The following ASCC3 variants were observed in gnomAD, a reference collection of about 807,000 sequenced individuals.
ASCC3 encodes ASC-1 complex subunit P200.
In ASCC3, 158 loss-of-function variants were observed where a neutral mutation model predicts 256.3. That is an observed-to-expected ratio of 0.62 (90% CI 0.54 to 0.70). ASCC3 has a LOEUF of 0.70. Among genes scored for constraint, ASCC3 ranks in the 30% least tolerant of loss-of-function variants. ASCC3 has a pLI of 0.00. For synonymous variants in ASCC3, 948 were observed against 883.4 expected, an observed-to-expected ratio of 1.07 and a Z score of -1.30; for missense variants, 2,259 against 2,626.0, an observed-to-expected ratio of 0.86 and a Z score of 3.05.
At chr6:100,737,633 TG>T (rs1780243939) in intron 10 of ASCC3, among the ~76,000 whole-genome samples, 1 of 152,220 alleles carries the variant, frequency 6.6e-6, no homozygotes, top group African/African-American at 2.4e-5. Flanking sequence ...CTATCATTGA[TG>T]GGCATTTAGG....
intron 27 of ASCC3, among the ~76,000 whole-genome samples, chr6:100,628,476 C>T (rs1015939638): frequency 3.2e-4 from 48 of 152,104 alleles, no homozygotes; most frequent in African/African-American, 1.2e-3. Context: ...ATCATGGGGG[C>T]TGTTTCTCCT....
At chr6:100,608,451 A>T (rs1389936008) in intron 30 of ASCC3, among the ~76,000 whole-genome samples, 2 of 31,576 alleles carry the variant, frequency 6.3e-5, no homozygotes, top group Admixed American at 6.8e-4. Context: ...TATATATTTT[A>T]TATATATATA....
At chr6:100,672,775 A>C (rs1257465684) in intron 14 of ASCC3, among the ~76,000 whole-genome samples, 3 of 152,020 alleles carry the variant, frequency 2.0e-5, no homozygotes, top group Non-Finnish European at 2.9e-5. Flanking sequence ...TTTTTATTTA[A>C]AATGTACCTA....
intron 41 of ASCC3, among the ~76,000 whole-genome samples, 189 bp downstream of exon 41, chr6:100,509,743 C>T (rs1028018124): frequency 1.3e-5 from 2 of 152,068 alleles, no homozygotes; most frequent in Non-Finnish European, 2.9e-5. Flanking sequence ...AAAAAATTAG[C>T]CGGGCGCAGT....
intron 36 of ASCC3, among the ~76,000 whole-genome samples, chr6:100,571,684 C>G (rs1398300673): frequency 6.6e-6 from 1 of 152,296 alleles, no homozygotes; most frequent in African/African-American, 2.4e-5. Flanking sequence ...GGGTAAGTAC[C>G]ATTGTCCAAG....
intron 37 of ASCC3, chr6:100,530,252 G>T (rs1404853109): frequency 6.3e-6 from 6 of 950,232 alleles, no homozygotes; most frequent in Non-Finnish European, 1.7e-6. Context: ...ACAGGAGGAG[G>T]GGAGAGGCCT....
intron 36 of ASCC3, among the ~76,000 whole-genome samples, chr6:100,557,141 C>G (rs1026882951): frequency 1.3e-5 from 2 of 152,074 alleles, no homozygotes; most frequent in Non-Finnish European, 2.9e-5. Context: ...TTATTCTACT[C>G]TTTTTATATT....
rs1044372449 is a variant in ASCC3, at chr6:100,509,278, G to C, written c.*108C>G. ...ACTGTCAATTTCCTGGATGGTTGAG[G>C]TTAGAAGTTGATTCTTTCAAGGCAA... On this transcript the variant is annotated 3_prime_UTR_variant, in exon 42 of 42. Coordinates refer to ENST00000369162, the MANE Select transcript of ASCC3 (RefSeq NM_006828.4). 2.3e-5 allele frequency: 33 copies of C among 1,461,188 alleles called. No individual in the cohort carries two copies. Among genetic ancestry groups the C allele is most frequent in the Non-Finnish European group, 2.9e-5 (30 of 1,046,088 alleles). The allele number at this position is 1,461,188 out of a possible 1,614,324, so 90.5% of individuals were successfully genotyped here.
intron 10 of ASCC3, among the ~76,000 whole-genome samples, chr6:100,732,727 G>T (rs1411198311): frequency 1.3e-5 from 2 of 152,122 alleles, no homozygotes; most frequent in Non-Finnish European, 2.9e-5. Flanking sequence ...GAGGAGAAAT[G>T]TGGTCCAAAC....
intron 14 of ASCC3, among the ~76,000 whole-genome samples, chr6:100,666,873 A>T (rs1477658141): frequency 1.3e-5 from 2 of 152,192 alleles, no homozygotes; most frequent in African/African-American, 2.4e-5. Flanking sequence ...AGCACTGTAA[A>T]GAATCAAAGA....
chr6:100,801,075 C>A (rs1186153352), intron 5 of ASCC3, among the ~76,000 whole-genome samples: 2 of 151,934 alleles, frequency 1.3e-5, no homozygotes, highest in East Asian at 1.9e-4. Flanking sequence ...TTTACGGAAA[C>A]ACAGTTTTTT....
chr6:100,870,446 G>T (rs552221177), intron 1 of ASCC3, among the ~76,000 whole-genome samples: 1 of 152,110 alleles, frequency 6.6e-6, no homozygotes, highest in African/African-American at 2.4e-5. Context: ...CTTTAGAAGT[G>T]TAAAACCCAT....
intron 4 of ASCC3, among the ~76,000 whole-genome samples, chr6:100,821,372 C>T (rs1038230940): frequency 6.6e-6 from 1 of 151,296 alleles, no homozygotes; most frequent in Non-Finnish European, 1.5e-5. Context: ...TAGGTATACA[C>T]CTAAGAGAAC....
intron 8 of ASCC3, among the ~76,000 whole-genome samples, chr6:100,797,815 T>G (rs1769706162): frequency 1.3e-5 from 2 of 152,158 alleles, no homozygotes; most frequent in South Asian, 4.1e-4. Flanking sequence ...AAAGACAACT[T>G]AAAACTATAA....
At chr6:100,609,552 C>G (rs1432128559) in intron 30 of ASCC3, among the ~76,000 whole-genome samples, 1 of 152,042 alleles carries the variant, frequency 6.6e-6, no homozygotes, top group Non-Finnish European at 1.5e-5. Context: ...TAAAGTAACA[C>G]AAATTTTATG....
At chr6:100,679,572 A>G in intron 14 of ASCC3, 46 bp downstream of exon 14, 1 of 1,611,530 alleles carries the variant, frequency 6.2e-7, no homozygotes, top group Non-Finnish European at 8.5e-7. Context: ...TACCCGGGAT[A>G]TGTGGCATGT....
At chr6:100,644,529 T>C (rs997464833) in intron 22 of ASCC3, among the ~76,000 whole-genome samples, 1 of 152,232 alleles carries the variant, frequency 6.6e-6, no homozygotes, top group African/African-American at 2.4e-5. Context: ...TTCCTTTTTA[T>C]TGTCTAATAA....
chr6:100,626,872 G>A (rs932225084), intron 29 of ASCC3, among the ~76,000 whole-genome samples: 2 of 152,042 alleles, frequency 1.3e-5, no homozygotes, highest in African/African-American at 4.8e-5. Flanking sequence ...AACAGCTCAC[G>A]GCAGATTTAT....
At chr6:100,824,949 A>G (rs1023535638) in intron 4 of ASCC3, among the ~76,000 whole-genome samples, 3 of 152,166 alleles carry the variant, frequency 2.0e-5, no homozygotes, top group African/African-American at 7.2e-5. Context: ...AATACAATAA[A>G]GGCCAGGAAA....
Sources: gnomAD v4.1 joint callset for allele counts (sites outside exome capture counted in the v4.1 genomes callset) on GRCh38, gnomAD v4.1.1 for gene constraint, MANE v1.5 for transcripts, NCBI Gene and HGNC (gene_info 2026-07-23, HGNC 2026-07-21) for gene names.